FLYWCH1: variants seen among roughly 807,000 people sequenced by gnomAD.
FLYWCH1 encodes the protein FLYWCH-type zinc finger-containing protein 1.
FLYWCH1 carries 75 observed loss-of-function variants against 66.4 expected under a neutral mutation model. The ratio of observed to expected loss-of-function variants is 1.13; its 90% CI spans 0.94 to 1.37. The LOEUF is 1.37. Among genes scored for constraint, FLYWCH1 ranks in the 40% most tolerant of loss-of-function variants. The pLI, the probability that FLYWCH1 is intolerant of heterozygous loss-of-function variation, is 0.00. For synonymous variants in FLYWCH1, 595 were observed against 429.9 expected, an observed-to-expected ratio of 1.38 and a Z score of -4.75; for missense variants, 1,334 against 1,001.8, an observed-to-expected ratio of 1.33 and a Z score of -4.48.
intron 9 of FLYWCH1, among the ~76,000 whole-genome samples, chr16:2,942,655 G>T (rs1385688477): frequency 2.9e-5 from 1 of 33,976 alleles, no homozygotes; most frequent in Admixed American, 3.5e-4. Flanking sequence ...TAACACAGCA[G>T]GCCTGAGACT....
intron 9 of FLYWCH1, among the ~76,000 whole-genome samples, chr16:2,946,280 C>A (rs1462313440): frequency 6.6e-6 from 1 of 151,086 alleles, no homozygotes; most frequent in African/African-American, 2.4e-5. Flanking sequence ...CCTGCAAGCT[C>A]CATTCATAAT....
intron 8 of FLYWCH1, among the ~76,000 whole-genome samples, chr16:2,939,469 G>C (rs547518228): frequency 7.0e-5 from 10 of 142,132 alleles, no homozygotes; most frequent in Non-Finnish European, 1.6e-4. Context: ...AAAAAGAGAA[G>C]AAAAGAAAAC....
At chr16:2,946,467 G>A (rs972272734) in intron 9 of FLYWCH1, among the ~76,000 whole-genome samples, 4 of 151,586 alleles carry the variant, frequency 2.6e-5, no homozygotes, top group African/African-American at 7.3e-5. Flanking sequence ...GATTACAGGC[G>A]TGTGTCACCA....
chr16:2,937,913 G>A (rs1053698926), intron 7 of FLYWCH1, among the ~76,000 whole-genome samples: 23 of 152,156 alleles, frequency 1.5e-4, no homozygotes, highest in African/African-American at 5.6e-4. Context: ...CAAGCATGAG[G>A]TCTGAGGGGT....
At chr16:2,934,076 C>A in intron 6 of FLYWCH1, 97 bp downstream of exon 6, 1 of 1,360,926 alleles carries the variant, frequency 7.3e-7, no homozygotes, top group Non-Finnish European at 9.7e-7. Flanking sequence ...TGGCAAACGT[C>A]CTCTTCCCTT....
chr16:2,927,967 A>T (rs1329270887), intron 2 of FLYWCH1, among the ~76,000 whole-genome samples: 1 of 152,152 alleles, frequency 6.6e-6, no homozygotes, highest in Non-Finnish European at 1.5e-5. Flanking sequence ...CAACAGGGTG[A>T]TGGTGGGGAG....
intron 7 of FLYWCH1, among the ~76,000 whole-genome samples, chr16:2,937,879 C>A (rs1165818292): frequency 2.0e-5 from 3 of 152,102 alleles, no homozygotes; most frequent in African/African-American, 7.3e-5. Flanking sequence ...AAAGGCTCAG[C>A]CCCTGCCCTG....
In FLYWCH1 at chr16:2,937,308, C is replaced by G. The variant is rs768835138; in HGVS notation, c.1701C>G (p.His567Gln). 2 of 1,603,324 alleles carry G rather than the reference C, an allele frequency of 1.2e-6. No homozygotes were observed. The highest frequency in any genetic ancestry group is 2.2e-5 in the South Asian group (2 of 90,016). Residue 567 changes from histidine to glutamine, a missense_variant, in exon 7 of 10, where the codon CAC becomes CAG. His to Gln is a conservative substitution (Grantham distance 24, BLOSUM62 0). Coordinates refer to ENST00000253928, the MANE Select transcript of FLYWCH1 (RefSeq NM_001308068.2). ...TCATGGTCATGCGCAGGCACTGCCA[C>G]CCACCGGACCTGGGCGGCCTGGAGG... ...RRVMVMRRHC[H>Q]PPDLGGLEAL...
rs148808449 is a variant in FLYWCH1, at chr16:2,936,932, A to T, written c.1514-189A>T. 5.3e-4 allele frequency: 407 copies of T among 763,228 alleles called. 2 individuals are homozygous for T. The East Asian group carries it at 0.011, about 21-fold the overall frequency. The allele number at this position is 763,228 out of a possible 1,614,324, so 47.3% of individuals were successfully genotyped here. ...CCTCACCTGACCAGTCCCCAGCCTC[A>T]GGAGGCGGACCCCAGCAGCTGGAGC... On this transcript the variant is annotated intron_variant, in intron 6 of 9. Coordinates refer to ENST00000253928, the MANE Select transcript of FLYWCH1 (RefSeq NM_001308068.2).
At position 2,950,956 on chromosome 16, in the gene FLYWCH1, C is replaced by G. The variant is rs1195296316; in HGVS notation, c.*2229C>G. ...GCCTTCCCCTTGCAAAGTTCCAGGG[C>G]CACCAGATGTCGCCTGCCCAGTCAC... On this transcript the variant is annotated 3_prime_UTR_variant, in exon 10 of 10. Transcript: ENST00000253928. 1 of 152,288 alleles carries G rather than the reference C, an allele frequency of 6.6e-6. No homozygotes were observed. Among genetic ancestry groups the G allele is most frequent in the African/African-American group, 2.4e-5 (1 of 41,462 alleles). 9.4% of individuals were successfully genotyped at this position (152,288 alleles called of 1,614,324 possible).
At chr16:2,947,763 CAAAA>C (rs552849157) in intron 9 of FLYWCH1, among the ~76,000 whole-genome samples, 23 of 126,328 alleles carry the variant, frequency 1.8e-4, no homozygotes, top group Admixed American at 3.2e-4. Flanking sequence ...ACTCTTATCT[CAAAA>C]AAAAAAAAAA....
intron 6 of FLYWCH1, 158 bp from the exon 7 acceptor site, chr16:2,936,963 C>G: frequency 1.1e-6 from 1 of 938,356 alleles, no homozygotes; most frequent in Non-Finnish European, 1.6e-6. Flanking sequence ...GGAGCCCCAG[C>G]AGAGTTGGGG....
chr16:2,939,854 C>G (rs1420274961), intron 8 of FLYWCH1, 178 bp from the exon 9 acceptor site: 9 of 604,580 alleles, frequency 1.5e-5, no homozygotes, highest in Non-Finnish European at 2.5e-5. Context: ...CTTAGGAGCT[C>G]AAGTAGCTGC....
At position 2,936,832 on chromosome 16, in the gene FLYWCH1, C is replaced by T. The variant is rs762082204; in HGVS notation, c.1514-289C>T. ...TGCAAGCCTGGGCGGGTGCTGGGGACGGACGAGTGACGCAGCAGACACTGC... is the reference window on the plus strand; with the variant it reads ...TGCAAGCCTGGGCGGGTGCTGGGGATGGACGAGTGACGCAGCAGACACTGC... On this transcript the variant is annotated intron_variant, in intron 6 of 9. Coordinates refer to ENST00000253928, the MANE Select transcript of FLYWCH1 (RefSeq NM_001308068.2). 108 of 603,790 alleles carry T rather than the reference C, an allele frequency of 1.8e-4. 1 individual carries two copies. The Middle Eastern group carries it at 2.6e-3, about 14-fold the overall frequency. The allele number at this position is 603,790 out of a possible 1,614,324, so 37.4% of individuals were successfully genotyped here. A position where few individuals can be genotyped will look rare whatever the true frequency, so the allele number is the denominator to read the frequency against.
intron 5 of FLYWCH1, 56 bp downstream of exon 5, chr16:2,933,638 G>C (rs764618931): frequency 2.7e-5 from 42 of 1,562,222 alleles, no homozygotes; most frequent in Non-Finnish European, 3.6e-5. Context: ...GCCTCCAGAG[G>C]TCCAGGGAGG....
At chr16:2,939,506 AAAG>A (rs2071170634) in intron 8 of FLYWCH1, among the ~76,000 whole-genome samples, 1 of 75,720 alleles carries the variant, frequency 1.3e-5, no homozygotes, top group Non-Finnish European at 3.1e-5. Flanking sequence ...TGAAACCTTG[AAAG>A]AAAACAGCCT....
chr16:2,926,661 C>T (rs989128384), intron 2 of FLYWCH1, among the ~76,000 whole-genome samples: 3 of 152,244 alleles, frequency 2.0e-5, no homozygotes, highest in Non-Finnish European at 2.9e-5. Context: ...TGCACGGTGC[C>T]GCTCCAAAAT....
intron 9 of FLYWCH1, among the ~76,000 whole-genome samples, chr16:2,942,012 A>AAC (rs930802204): frequency 4.1e-5 from 6 of 146,348 alleles, no homozygotes; most frequent in Non-Finnish European, 5.9e-5. Context: ...AAAAAAAAAA[A>AAC]AAAAAAAAAA....
At chr16:2,944,848 T>C (rs2151020758) in intron 9 of FLYWCH1, among the ~76,000 whole-genome samples, 1 of 150,134 alleles carries the variant, frequency 6.7e-6, no homozygotes, top group African/African-American at 2.4e-5. Context: ...TTTTTTTAAC[T>C]GTAAAACGGC....
Sources: gnomAD v4.1 joint callset for allele counts (sites outside exome capture counted in the v4.1 genomes callset) on GRCh38, gnomAD v4.1.1 for gene constraint, MANE v1.5 for transcripts, NCBI Gene and HGNC (gene_info 2026-07-23, HGNC 2026-07-21) for gene names.